PBXIP1: variants seen among roughly 807,000 people sequenced by gnomAD.
PBXIP1 encodes PBX homeobox interacting protein 1.
Under a neutral mutation model 73.7 loss-of-function variants are expected in PBXIP1, and 73 were observed. That is an observed-to-expected ratio of 0.99 (90% CI 0.82 to 1.20). The LOEUF (loss-of-function observed/expected upper bound fraction) is 1.20, where lower values mean the gene tolerates loss of function less well. Ranked by LOEUF, PBXIP1 falls within the 50% of genes most tolerant of loss-of-function variation. PBXIP1 has a pLI of 0.00. For missense variants in PBXIP1, 818 were observed against 911.4 expected, an observed-to-expected ratio of 0.90 and a Z score of 1.32; for synonymous variants, 330 against 366.9, an observed-to-expected ratio of 0.90 and a Z score of 1.15.
In PBXIP1 at chr1:154,946,292, T is replaced by G. The variant is rs1465076543; in HGVS notation, c.1382A>C (p.His461Pro). The stretch of plus-strand genomic sequence containing the variant: ...AGAATTCTGGAAGTGGGACTTCTGG[T>G]GCCAGGCCTTTGAGGCATTGGCAGA... ...GVSANASKAWHQKSHFQNSRE... is the reference protein window; with the variant it reads ...GVSANASKAWPQKSHFQNSRE... Residue 461 changes from histidine to proline, a missense_variant, in exon 10 of 11, where the codon CAC (histidine) becomes CCC (proline). Transcript: ENST00000368463. The G allele has an allele frequency of 6.2e-7, 1 of 1,614,068 alleles. No individual in the cohort carries two copies. The highest frequency in any genetic ancestry group is 8.5e-7 in the Non-Finnish European group (1 of 1,180,034).
In PBXIP1 at chr1:154,951,618, T is replaced by A; in HGVS notation, c.179-83A>T. 6.9e-7 allele frequency: 1 copy of A among 1,459,126 alleles called. No homozygotes were observed. The allele number at this position is 1,459,126 out of a possible 1,614,324, so 90.4% of individuals were successfully genotyped here. On this transcript the variant is annotated intron_variant, in intron 3 of 10. Coordinates refer to ENST00000368463, the MANE Select transcript of PBXIP1 (RefSeq NM_020524.4). The surrounding 1 kb of genome is among the most constrained non-coding windows in gnomAD (Gnocchi z 4.3). The stretch of plus-strand genomic sequence containing the variant: ...GCCCTCTGTCCATCCCACGGGCCCC[T>A]ACCAGGTTGGAAGAGGCAGGAAAAA...
chr1:154,951,825 T>C lies in PBXIP1; in HGVS notation c.148A>G (p.Lys50Glu). 6.2e-7 allele frequency: 1 copy of C among 1,614,008 alleles called. No individual in the cohort carries two copies. The highest frequency in any genetic ancestry group is 8.5e-7 in the Non-Finnish European group (1 of 1,179,962). Residue 50 changes from lysine (K) to glutamate (E), a missense_variant, in exon 3 of 11, where the codon AAA becomes GAA. By Grantham distance (56) the Lys-to-Glu change is moderately conservative (BLOSUM62 1). Coordinates refer to ENST00000368463, the MANE Select transcript of PBXIP1 (RefSeq NM_020524.4). This position sits in a 1 kb window ranked among gnomAD's most constrained non-coding sequence, Gnocchi z 4.3. ...APHSPSKTDG[K>E]ELAGTMDGEG... is the part of the protein sequence containing the mutation. ...CCATCCATGGTCCCAGCTAATTCTT[T>C]CCCATCTGTCTTGGAGGGGCTGTGA...
chr1:154,955,804 G>A (rs1257884449), intron 1 of PBXIP1, among the ~76,000 whole-genome samples: 2 of 152,182 alleles, frequency 1.3e-5, no homozygotes, highest in African/African-American at 4.8e-5. Flanking sequence ...CTCCCACTCA[G>A]CATAAAGCTA....
At position 154,947,661 on chromosome 1, in the gene PBXIP1, T is replaced by C; in HGVS notation, c.719A>G (p.Glu240Gly). 6.2e-7 allele frequency: 1 copy of C among 1,613,950 alleles called. No individual in the cohort carries two copies. Among genetic ancestry groups the C allele is most frequent in the Non-Finnish European group, 8.5e-7 (1 of 1,179,970 alleles). Residue 240 changes from glutamate (E) to glycine (G), a missense_variant, in exon 8 of 11, where the codon GAA becomes GGA. Coordinates refer to ENST00000368463, the MANE Select transcript of PBXIP1 (RefSeq NM_020524.4). ...RQVLPDPEVL[E>G]AVGDRQDGLR... The stretch of plus-strand genomic sequence containing the variant: ...ACATACCTGCCTGTCCCCCACAGCT[T>C]CCAGCACCTCGGGGTCTGGGAGGAC...
chr1:154,948,602 C>A (rs567181334), intron 5 of PBXIP1, among the ~76,000 whole-genome samples: 1 of 152,290 alleles, frequency 6.6e-6, no homozygotes, highest in South Asian at 2.1e-4. Flanking sequence ...AAGCCATTTT[C>A]ATCCTGAAAG....
Position 154,946,403 on chromosome 1 carries a change from G to A in PBXIP1, c.1271C>T (p.Pro424Leu), listed in dbSNP as rs1654821525. The change falls in exon 10 of 11, where the codon CCA becomes CTA. Residue 424 changes from proline (P) to leucine (L), a missense_variant. Pro to Leu is a moderately conservative substitution (Grantham distance 98). Coordinates refer to ENST00000368463, the MANE Select transcript of PBXIP1 (RefSeq NM_020524.4). ...RSLQDASRGD[P>L]AHAGLAELGH... ...CAGCTCAGCCAAGCCAGCATGAGCTGGGTCCCCGCGGCTGGCATCCTGCAA... is the reference window on the plus strand; with the variant it reads ...CAGCTCAGCCAAGCCAGCATGAGCTAGGTCCCCGCGGCTGGCATCCTGCAA... 1.2e-6 allele frequency: 2 copies of A among 1,611,842 alleles called. No homozygotes were observed. The highest frequency in any genetic ancestry group is 1.7e-6 in the Non-Finnish European group (2 of 1,179,834).
At chr1:154,950,119 G>T in intron 5 of PBXIP1, 2 of 178,064 alleles carry the variant, frequency 1.1e-5, no homozygotes, top group Non-Finnish European at 1.1e-5. Context: ...AGGTTCAAGC[G>T]ATTCTCCTGC....
chr1:154,949,517 C>T (rs1010450979), intron 5 of PBXIP1, among the ~76,000 whole-genome samples: 2 of 152,060 alleles, frequency 1.3e-5, no homozygotes, highest in South Asian at 2.1e-4. Flanking sequence ...TCCTGAGCCT[C>T]GGCATCTACA....
Position 154,946,728 on chromosome 1 carries a change from C to G in PBXIP1, c.946G>C (p.Ala316Pro), listed in dbSNP as rs754014569. ...TGGAAGGCTTCGCCCTGCTGCAGAG[C>G]CCCCCGGAGCTGGGCATTCTCCTCC... ...LEEENAQLRG[A>P]LQQGEAFQRA... Residue 316 changes from alanine to proline, a missense_variant, in exon 10 of 11, where the codon GCT becomes CCT. Physicochemically the swap from Ala to Pro is conservative, Grantham distance 27 (BLOSUM62 -1). Coordinates refer to ENST00000368463, the MANE Select transcript of PBXIP1 (RefSeq NM_020524.4). 4.4e-6 allele frequency: 7 copies of G among 1,604,700 alleles called. No individual in the cohort carries two copies. The Admixed American group carries it at 1.2e-4, about 27-fold the overall frequency.
chr1:154,947,309 G>A, intron 9 of PBXIP1, 108 bp downstream of exon 9: 1 of 1,311,922 alleles, frequency 7.6e-7, no homozygotes, highest in Non-Finnish European at 1.1e-6. Flanking sequence ...AGAGGGGAGG[G>A]TCAGGATGTG....
At chr1:154,952,792 G>A (rs966558656) in intron 2 of PBXIP1, among the ~76,000 whole-genome samples, 4 of 152,072 alleles carry the variant, frequency 2.6e-5, no homozygotes, top group Admixed American at 1.3e-4. Context: ...CCTGGTGCCC[G>A]TCTGCTCATA....
At chr1:154,954,165 A>C (rs985330247) in intron 1 of PBXIP1, among the ~76,000 whole-genome samples, 2 of 152,182 alleles carry the variant, frequency 1.3e-5, no homozygotes, top group Admixed American at 1.3e-4. Flanking sequence ...GAAACAACAC[A>C]GCCCTCCCTT....
rs1553247997 is a variant in PBXIP1 at position 154,946,574 on chromosome 1, C to G, written c.1100G>C (p.Arg367Thr). 2.5e-6 allele frequency: 4 copies of G among 1,612,984 alleles called. No homozygotes were observed. The highest frequency in any genetic ancestry group is 1.7e-4 in the Middle Eastern group (1 of 6,060). The stretch of plus-strand genomic sequence containing the variant: ...CTCCTGCTCCCTGGGGCCTTGCTCC[C>G]TGATGGCCTTGTCACCCTGTGGGCC... ...GRGPQGDKAI[R>T]EQGPREQEPE... Residue 367 changes from arginine to threonine, a missense_variant, in exon 10 of 11, where the codon AGG (arginine) becomes ACG (threonine). Arg to Thr is a moderately conservative substitution (Grantham distance 71). Coordinates refer to ENST00000368463, the MANE Select transcript of PBXIP1 (RefSeq NM_020524.4).
intron 1 of PBXIP1, among the ~76,000 whole-genome samples, chr1:154,954,671 T>C (rs1655120462): frequency 6.6e-6 from 1 of 152,232 alleles, no homozygotes; most frequent in Admixed American, 6.5e-5. Context: ...GTTAATCTGC[T>C]CTGACTTGAC....
chr1:154,945,108 CT>C lies in PBXIP1; in HGVS notation c.2111del (p.Lys704ArgfsTer49). 5 of 1,613,720 alleles carry C rather than the reference CT, an allele frequency of 3.1e-6. No homozygotes were observed. Among genetic ancestry groups the C allele is most frequent in the Non-Finnish European group, 4.2e-6 (5 of 1,179,606 alleles). Reference protein sequence around the residue: ...GDKALKKRSGKKDKHSQSPRA... With the variant: ...GDKALKKRSGXKDKHSQSPRA... ...TTGGGCTCTGTGAGTGCTTGTCCTT[CT>C]TCCCTGACCTGTGGGGAGGAAGAGG... On this transcript the variant is annotated frameshift_variant, in exon 11 of 11. Transcript: ENST00000368463. LOFTEE classifies it low-confidence loss of function (END_TRUNC).
chr1:154,947,234 C>G (rs777558996), intron 9 of PBXIP1, 183 bp downstream of exon 9: 3 of 687,248 alleles, frequency 4.4e-6, no homozygotes, highest in Admixed American at 5.0e-5. Context: ...TATGCCAGCC[C>G]TGGCCCAAAC....
chr1:154,953,928 C>T (rs923905756), intron 1 of PBXIP1, among the ~76,000 whole-genome samples, 171 bp from the exon 2 acceptor site: 9 of 152,220 alleles, frequency 5.9e-5, no homozygotes, highest in African/African-American at 2.2e-4. Flanking sequence ...CAGTATTTGC[C>T]TTGCAAATCA....
chr1:154,946,701 G>A lies in PBXIP1; in HGVS notation c.973C>T (p.Arg325Trp), dbSNP rs372206354. The A allele has an allele frequency of 9.9e-6, 16 of 1,611,774 alleles. No individual in the cohort carries two copies. Among genetic ancestry groups the A allele is most frequent in the East Asian group, 8.9e-5 (4 of 44,834 alleles). Residue 325 changes from arginine to tryptophan, a missense_variant, in exon 10 of 11, where the codon CGG becomes TGG. Physicochemically the swap from Arg to Trp is moderately radical, Grantham distance 101. Coordinates refer to ENST00000368463, the MANE Select transcript of PBXIP1 (RefSeq NM_020524.4). ...GALQQGEAFQRALESELQQLR... is the reference protein window; with the variant it reads ...GALQQGEAFQWALESELQQLR... ...TGCTGCAGCTCTGACTCCAGAGCCC[G>A]CTGGAAGGCTTCGCCCTGCTGCAGA... is the stretch of plus-strand genomic sequence containing the variant.
chr1:154,946,771 G>T lies in PBXIP1; in HGVS notation c.903C>A (p.His301Gln), dbSNP rs1174587973. 3 of 1,557,862 alleles carry T rather than the reference G, an allele frequency of 1.9e-6. No individual in the cohort carries two copies. The highest frequency in any genetic ancestry group is 2.7e-5 in the African/African-American group (2 of 72,882). ...AQKEELQSLM[H>Q]QPKGLEEENA... Reference sequence around the variant, plus strand: ...TCTCCTCCTCTAGCCCTTTGGGCTGGTGCATCAGGCTCTGAAGCTCTTCCT... The same window carrying T: ...TCTCCTCCTCTAGCCCTTTGGGCTGTTGCATCAGGCTCTGAAGCTCTTCCT... Residue 301 changes from histidine (H) to glutamine (Q), a missense_variant, in exon 10 of 11, where the codon CAC (histidine) becomes CAA (glutamine). By Grantham distance (24) the His-to-Gln change is conservative (BLOSUM62 0). Coordinates refer to ENST00000368463, the MANE Select transcript of PBXIP1 (RefSeq NM_020524.4).
Sources: allele counts gnomAD v4.1 joint callset (sites outside exome capture counted in the v4.1 genomes callset), GRCh38; gene constraint gnomAD v4.1.1; non-coding constraint Gnocchi (gnomAD v3.1); transcripts MANE v1.5; gene names NCBI Gene and HGNC (gene_info 2026-07-23, HGNC 2026-07-21).